Variants in OR52E5 observed in about 807,000 individuals in gnomAD.
The protein encoded by OR52E5 is olfactory receptor family 52 subfamily E member 5.
Position 5,901,747 on chromosome 11 carries a change from C to G in OR52E5, c.971C>G (p.Ser324Ter). ...FDPKRIFHNN[S>*]VRQ ...CCCAAGAGGATCTTCCACAACAATT[C>G]AGTTAGACAATAATGAGATCATAAC... Residue 324 changes from serine (S) to a stop codon, truncating the protein, a stop_gained, in exon 3 of 3, where the codon TCA becomes TGA. Transcript: ENST00000610445. LOFTEE classifies it high-confidence loss of function. 2.5e-6 allele frequency: 1 copy of G among 400,630 alleles called. No homozygotes were observed. The highest frequency in any genetic ancestry group is 3.6e-5 in the East Asian group (1 of 28,078). The allele number at this position is 400,630 out of a possible 1,614,324, so 24.8% of individuals were successfully genotyped here.
chr11:5,902,432 A>G lies in OR52E5; in HGVS notation c.*672A>G, dbSNP rs1201947775. 6.6e-6 allele frequency: 1 copy of G among 152,180 alleles called. No individual in the cohort carries two copies. Among genetic ancestry groups the G allele is most frequent in the Non-Finnish European group, 1.5e-5 (1 of 68,032 alleles). 9.4% of individuals were successfully genotyped at this position (152,180 alleles called of 1,614,324 possible). On this transcript the variant is annotated 3_prime_UTR_variant, in exon 3 of 3. Transcript: ENST00000610445. ...ATTTACTAATCCACTCTAGTATACAATCCCTGGTTTGAGGTCAGCTCTCCA... is the reference window on the plus strand; with the variant it reads ...ATTTACTAATCCACTCTAGTATACAGTCCCTGGTTTGAGGTCAGCTCTCCA...
Position 5,900,724 on chromosome 11 carries a change from T to C in OR52E5, c.-53T>C. ...TGTGAAAGAAGTTATGGTTTCTCAC[T>C]GGAAGCAAGAAAACTCATGCAAGAA... On this transcript the variant is annotated 5_prime_UTR_variant, in exon 3 of 3. Transcript: ENST00000610445. 2.5e-6 allele frequency: 1 copy of C among 399,036 alleles called. No individual in the cohort carries two copies. The allele number at this position is 399,036 out of a possible 1,614,324, so 24.7% of individuals were successfully genotyped here. A position where few individuals can be genotyped will look rare whatever the true frequency, so the allele number is the denominator to read the frequency against.
In OR52E5 at chr11:5,900,806, CCCTT is replaced by C. The variant is rs1166493522; in HGVS notation, c.33_36del (p.Ser12ProfsTer4). ...TTCATACCAACAATACACAGTTTCA[CCCTT>C]CCACCTTCCTCGTAGTGGGGGTCCC... is the stretch of plus-strand genomic sequence containing the variant. On this transcript the variant is annotated frameshift_variant, in exon 3 of 3. Transcript: ENST00000610445. LOFTEE classifies it low-confidence loss of function (END_TRUNC). The C allele has an allele frequency of 1.2e-5, 5 of 401,204 alleles. No individual in the cohort carries two copies. The highest frequency in any genetic ancestry group is 7.1e-5 in the East Asian group (2 of 28,092). The allele number at this position is 401,204 out of a possible 1,614,324, so 24.9% of individuals were successfully genotyped here. A position where few individuals can be genotyped will look rare whatever the true frequency, so the allele number is the denominator to read the frequency against.
At position 5,901,839 on chromosome 11, in the gene OR52E5, T is replaced by C. The variant is rs930057350; in HGVS notation, c.*79T>C. On this transcript the variant is annotated 3_prime_UTR_variant, in exon 3 of 3. Transcript: ENST00000610445. Reference sequence around the variant, plus strand: ...ATTCCCACATGAGCCAATAGCATTATATCCCCTACAACGTCTCATGATTTC... The same window carrying C: ...ATTCCCACATGAGCCAATAGCATTACATCCCCTACAACGTCTCATGATTTC... The C allele has an allele frequency of 2.5e-6, 1 of 399,322 alleles. No homozygotes were observed. Among genetic ancestry groups the C allele is most frequent in the African/African-American group, 2.1e-5 (1 of 48,646 alleles). 24.7% of individuals were successfully genotyped at this position (399,322 alleles called of 1,614,324 possible).
At chr11:5,898,478 T>C (rs183444566) in intron 2 of OR52E5, among the ~76,000 whole-genome samples, 10 of 152,332 alleles carry the variant, frequency 6.6e-5, no homozygotes, top group African/African-American at 2.4e-4. Context: ...TTCATTTTCA[T>C]TGCATTTGCT....
At chr11:5,894,324 T>G (rs189097312) in intron 1 of OR52E5, among the ~76,000 whole-genome samples, 1 of 152,270 alleles carries the variant, frequency 6.6e-6, no homozygotes, top group East Asian at 1.9e-4. Context: ...CCAAGAAATG[T>G]CATTTATAAC....
Position 5,901,072 on chromosome 11 carries a change from G to A in OR52E5, c.296G>A (p.Cys99Tyr). 1 of 401,692 alleles carries A rather than the reference G, an allele frequency of 2.5e-6. No homozygotes were observed. Among genetic ancestry groups the A allele is most frequent in the Non-Finnish European group, 4.4e-6 (1 of 226,330 alleles). 24.9% of individuals were successfully genotyped at this position (401,692 alleles called of 1,614,324 possible). Reference sequence around the variant, plus strand: ...CTTGGAGAGATTGCATTTGGTGCCTGCATCACACAGATGTATACCATTCAT... The same window carrying A: ...CTTGGAGAGATTGCATTTGGTGCCTACATCACACAGATGTATACCATTCAT... ...FNLGEIAFGA[C>Y]ITQMYTIHIC... The change falls in exon 3 of 3, where the codon TGC (cysteine) becomes TAC (tyrosine). Residue 99 changes from cysteine to tyrosine, a missense_variant. By Grantham distance (194) the Cys-to-Tyr change is radical (BLOSUM62 -2). Coordinates refer to ENST00000610445, the MANE Select transcript of OR52E5 (RefSeq NM_001005166.5).
At chr11:5,896,484 A>G (rs1286286832) in intron 2 of OR52E5, among the ~76,000 whole-genome samples, 3 of 151,974 alleles carry the variant, frequency 2.0e-5, no homozygotes, top group Non-Finnish European at 4.4e-5. Flanking sequence ...TCAGTTTTCA[A>G]ATCTTTGTAA....
intron 1 of OR52E5, among the ~76,000 whole-genome samples, chr11:5,894,763 G>A (rs1847150851): frequency 1.3e-5 from 2 of 152,122 alleles, no homozygotes; most frequent in Admixed American, 6.6e-5. Context: ...AGGGGTCGGT[G>A]CCCTTTTTCT....
At chr11:5,899,029 A>G (rs1158263513) in intron 2 of OR52E5, among the ~76,000 whole-genome samples, 1 of 152,032 alleles carries the variant, frequency 6.6e-6, no homozygotes, top group Non-Finnish European at 1.5e-5. Context: ...GCTTTGGGTC[A>G]TTTTACTGAT....
rs1057047590 is a variant in OR52E5, at chr11:5,901,870, G to A, written c.*110G>A. The A allele has an allele frequency of 2.8e-5, 11 of 398,738 alleles. No individual in the cohort carries two copies. The highest frequency in any genetic ancestry group is 4.0e-5 in the Non-Finnish European group (9 of 225,466). The allele number at this position is 398,738 out of a possible 1,614,324, so 24.7% of individuals were successfully genotyped here. ...CTACAACGTCTCATGATTTCAGTAC[G>A]GTCTGTTGGAAGTTATAGCTCAAAG... On this transcript the variant is annotated 3_prime_UTR_variant, in exon 3 of 3. Coordinates refer to ENST00000610445, the MANE Select transcript of OR52E5 (RefSeq NM_001005166.5).
chr11:5,900,296 T>G (rs1405065181), intron 2 of OR52E5, among the ~76,000 whole-genome samples: 1 of 152,056 alleles, frequency 6.6e-6, no homozygotes, highest in Non-Finnish European at 1.5e-5. Flanking sequence ...GAGAATATTC[T>G]TAATTTCTCA....
chr11:5,894,448 T>C (rs1016552184), intron 1 of OR52E5, among the ~76,000 whole-genome samples: 4 of 151,954 alleles, frequency 2.6e-5, no homozygotes, highest in African/African-American at 7.3e-5. Context: ...AAAAAAAGAA[T>C]GGATAATCTT....
At position 5,901,752 on chromosome 11, in the gene OR52E5, A is replaced by G. The variant is rs1213369753; in HGVS notation, c.976A>G (p.Arg326Gly). The change falls in exon 3 of 3, where the codon AGA becomes GGA. Residue 326 changes from arginine to glycine, a missense_variant. By Grantham distance (125) the Arg-to-Gly change is moderately radical. Coordinates refer to ENST00000610445, the MANE Select transcript of OR52E5 (RefSeq NM_001005166.5). ...PKRIFHNNSVRQ is the reference protein window; with the variant it reads ...PKRIFHNNSVGQ ...GAGGATCTTCCACAACAATTCAGTT[A>G]GACAATAATGAGATCATAACAAAAT... 1.5e-5 allele frequency: 6 copies of G among 400,546 alleles called. No individual in the cohort carries two copies. The highest frequency in any genetic ancestry group is 2.2e-5 in the Non-Finnish European group (5 of 226,196). 24.8% of individuals were successfully genotyped at this position (400,546 alleles called of 1,614,324 possible).
At chr11:5,896,082 T>C (rs1375322770) in intron 2 of OR52E5, among the ~76,000 whole-genome samples, 1 of 149,820 alleles carries the variant, frequency 6.7e-6, no homozygotes, top group African/African-American at 2.5e-5. Context: ...AAAAGAAAAG[T>C]AGAAAAACTA....
intron 1 of OR52E5, among the ~76,000 whole-genome samples, chr11:5,893,505 A>T (rs1198465302): frequency 6.6e-6 from 1 of 152,134 alleles, no homozygotes; most frequent in Non-Finnish European, 1.5e-5. Context: ...CAGTAAACAA[A>T]CTTCAAAGAG....
At chr11:5,894,240 C>T (rs1315923265) in intron 1 of OR52E5, among the ~76,000 whole-genome samples, 4 of 152,104 alleles carry the variant, frequency 2.6e-5, no homozygotes, top group South Asian at 2.1e-4. Context: ...GCATCAGAAT[C>T]ACCTGGAGGG....
chr11:5,895,478 T>C (rs890740062), intron 1 of OR52E5, among the ~76,000 whole-genome samples, 154 bp from the exon 2 acceptor site: 1 of 152,236 alleles, frequency 6.6e-6, no homozygotes, highest in African/African-American at 2.4e-5. Context: ...ATAATTTAGC[T>C]CTGTACTTTA....
intron 1 of OR52E5, 84 bp downstream of exon 1, chr11:5,893,354 G>A (rs1466135792): frequency 6.6e-6 from 1 of 152,154 alleles, no homozygotes; most frequent in East Asian, 1.9e-4. Context: ...TGGAGCTCCA[G>A]TGACTCGGCC....
Sources: allele counts gnomAD v4.1 joint callset (sites outside exome capture counted in the v4.1 genomes callset), GRCh38; gene constraint gnomAD v4.1.1; transcripts MANE v1.5; gene names NCBI Gene and HGNC (gene_info 2026-07-23, HGNC 2026-07-21).